The following XRCC6 variants were observed in gnomAD, a reference collection of about 807,000 sequenced individuals.
The protein encoded by XRCC6 is X-ray repair cross complementing 6, also known as DNA repair protein Ku70.
Under a neutral mutation model 65.7 loss-of-function variants are expected in XRCC6, and 5 were observed. The observed-to-expected ratio is 0.08, with a 90% CI of 0.04 to 0.16. The LOEUF is 0.16. Among genes scored for constraint, XRCC6 ranks in the 10% least tolerant of loss-of-function variants. The pLI is 1.00. For missense variants in XRCC6, 447 were observed against 738.1 expected (o/e 0.61, Z 4.57); for synonymous variants, 270 against 270.6 (o/e 1.00, Z 0.02).
At chr22:41,636,048 G>C (rs2067806018) in intron 3 of XRCC6, 65 bp from the exon 4 acceptor site, 6 of 1,445,518 alleles carry the variant, frequency 4.2e-6, no homozygotes, top group Non-Finnish European at 5.6e-6. Context: ...CAACTAATAG[G>C]TACTGAGCAC....
intron 2 of XRCC6, among the ~76,000 whole-genome samples, chr22:41,622,967 A>G (rs954634852): frequency 6.6e-6 from 1 of 152,036 alleles, no homozygotes; most frequent in Non-Finnish European, 1.5e-5. Context: ...AGTGAGAAAC[A>G]TAGGAAATAC....
intron 6 of XRCC6, among the ~76,000 whole-genome samples, chr22:41,640,339 C>T (rs1197673506): frequency 6.6e-6 from 1 of 151,130 alleles, no homozygotes; most frequent in East Asian, 2.0e-4. Context: ...TTAGTAGAGA[C>T]GGGGTTTCAC....
chr22:41,626,066 T>G (rs577268553), intron 2 of XRCC6, among the ~76,000 whole-genome samples: 19 of 152,054 alleles, frequency 1.2e-4, no homozygotes, highest in African/African-American at 4.3e-4. Flanking sequence ...TCTCAATCTC[T>G]TGACCTTGTG....
At chr22:41,632,217 G>A (rs758543542) in intron 3 of XRCC6, among the ~76,000 whole-genome samples, 8 of 152,162 alleles carry the variant, frequency 5.3e-5, no homozygotes, top group Non-Finnish European at 1.2e-4. Flanking sequence ...TGTGTACTTC[G>A]TAGAGAAGAA....
chr22:41,644,345 A>G (rs901206252), intron 6 of XRCC6, among the ~76,000 whole-genome samples: 5 of 152,188 alleles, frequency 3.3e-5, no homozygotes, highest in African/African-American at 9.7e-5. Context: ...TTGTGGCCCA[A>G]CATATGATCT....
chr22:41,659,629 C>T (rs1162313711), intron 11 of XRCC6, among the ~76,000 whole-genome samples: 2 of 150,204 alleles, frequency 1.3e-5, no homozygotes, highest in Non-Finnish European at 3.0e-5. Context: ...CATAAGCCAC[C>T]ATGCTCACTA....
intron 2 of XRCC6, among the ~76,000 whole-genome samples, chr22:41,625,958 C>T (rs1239744749): frequency 6.6e-6 from 1 of 152,086 alleles, no homozygotes; most frequent in Non-Finnish European, 1.5e-5. Flanking sequence ...CCTGCCTCAG[C>T]CTCCCTAGTA....
rs138171458 is a variant in XRCC6 at position 41,657,490 on chromosome 22, TTTATTATTATTATTATTATTATTA to T, written c.1421+482_1421+505del. Among the ~76,000 whole-genome samples the T allele has an allele frequency of 8.7e-5, 12 of 138,244 alleles. 1 individual carries two copies. Among genetic ancestry groups the T allele is most frequent in the South Asian group, 4.8e-4 (2 of 4,204 alleles). The allele number at this position is 138,244 out of a possible 152,430, so 90.7% of individuals were successfully genotyped here. ...TTTTTTCACATGTCATTTTTAAAAA[TTTATTATTATTATTATTATTATTA>T]TTATTATTATTATTATTATTATTTT... is the stretch of plus-strand genomic sequence containing the variant. On this transcript the variant is annotated intron_variant, in intron 10 of 12. Transcript: ENST00000360079.
At chr22:41,644,212 A>C (rs916951963) in intron 6 of XRCC6, among the ~76,000 whole-genome samples, 1 of 151,798 alleles carries the variant, frequency 6.6e-6, no homozygotes, top group African/African-American at 2.4e-5. Flanking sequence ...TGTATTGTTT[A>C]ATTTTCAAAA....
In XRCC6 at chr22:41,647,034, T is replaced by C. The variant is rs2067939115; in HGVS notation, c.912T>C (p.Asn304=). The part of the protein sequence containing the change: ...EPVKTKTRTF[N]TSTGGLLLPS... ...TGAAAACCAAGACCCGGACCTTTAA[T>C]ACAAGTACAGGCGGTTTGCTTCTGC... Residue 304 remains asparagine, a synonymous_variant, in exon 7 of 13, where the codon AAT becomes AAC. Coordinates refer to ENST00000360079, the MANE Select transcript of XRCC6 (RefSeq NM_001469.5). 1 of 1,614,206 alleles carries C rather than the reference T, an allele frequency of 6.2e-7. No homozygotes were observed. The highest frequency in any genetic ancestry group is 8.5e-7 in the Non-Finnish European group (1 of 1,180,042).
rs140307045 is a variant in XRCC6, at chr22:41,663,779, G to A, written c.1794G>A (p.Glu598=). 6.4e-5 allele frequency: 103 copies of A among 1,613,496 alleles called. No homozygotes were observed. The highest frequency in any genetic ancestry group is 8.3e-5 in the Admixed American group (5 of 59,992). ...TGAAGAGTGGGCTGAAGAAGCAGGA[G>A]CTGCTGGAAGCCCTCACCAAGCACT... ...YGLKSGLKKQ[E]LLEALTKHFQ... The change falls in exon 13 of 13, where the codon GAG becomes GAA. Residue 598 remains glutamate, a synonymous_variant. Coordinates refer to ENST00000360079, the MANE Select transcript of XRCC6 (RefSeq NM_001469.5).
intron 8 of XRCC6, among the ~76,000 whole-genome samples, chr22:41,651,762 G>A (rs1053179690): frequency 2.0e-4 from 30 of 150,218 alleles, no homozygotes; most frequent in African/African-American, 5.4e-4. Context: ...TCCTGACCTC[G>A]TGAGCCACTG....
At chr22:41,647,581 C>CA (rs34674929) in intron 7 of XRCC6, among the ~76,000 whole-genome samples, 103,779 of 134,082 alleles carry the variant, frequency 0.77, 40,312 homozygotes, top group East Asian at 0.92. Flanking sequence ...AACTCCGTCT[C>CA]AAAAAAAAAA....
At chr22:41,643,111 T>G (rs1462241760) in intron 6 of XRCC6, among the ~76,000 whole-genome samples, 1 of 152,222 alleles carries the variant, frequency 6.6e-6, no homozygotes, top group Non-Finnish European at 1.5e-5. Context: ...TGTTCTTTTC[T>G]GATAAAAGTG....
intron 6 of XRCC6, among the ~76,000 whole-genome samples, chr22:41,640,553 T>A (rs2067865071): frequency 6.6e-6 from 1 of 152,180 alleles, no homozygotes; most frequent in African/African-American, 2.4e-5. Flanking sequence ...TCTGGAGTGG[T>A]TTCCTCAGTA....
chr22:41,635,904 G>A (rs2067804476), intron 3 of XRCC6, among the ~76,000 whole-genome samples: 1 of 152,038 alleles, frequency 6.6e-6, no homozygotes, highest in Non-Finnish European at 1.5e-5. Flanking sequence ...TACTTCTAAT[G>A]TATACTTACT....
rs2067814054 is a variant in XRCC6 at position 41,636,722 on chromosome 22, G to A, written c.541G>A (p.Ala181Thr). ...NEDNPHGNDS[A>T]KASRARTKAG... ...AGACAACCCCCATGGCAATGACAGTGCCAAAGCCAGCCGGGCCAGGACCAA... is the reference window on the plus strand; with the variant it reads ...AGACAACCCCCATGGCAATGACAGTACCAAAGCCAGCCGGGCCAGGACCAA... Residue 181 changes from alanine (A) to threonine (T), a missense_variant, in exon 5 of 13, where the codon GCC (alanine) becomes ACC (threonine). Transcript: ENST00000360079. 1.9e-6 allele frequency: 3 copies of A among 1,614,196 alleles called. No individual in the cohort carries two copies. Among genetic ancestry groups the A allele is most frequent in the East Asian group, 2.2e-5 (1 of 44,894 alleles).
intron 6 of XRCC6, among the ~76,000 whole-genome samples, chr22:41,642,767 A>C (rs2067891985): frequency 6.6e-6 from 1 of 152,178 alleles, no homozygotes; most frequent in South Asian, 2.1e-4. Context: ...CAGTTTTGTA[A>C]TTGGTTGCAT....
At chr22:41,646,823 G>T in intron 6 of XRCC6, 73 bp from the exon 7 acceptor site, 1 of 1,236,400 alleles carries the variant, frequency 8.1e-7, no homozygotes, top group Non-Finnish European at 1.1e-6. Flanking sequence ...GTGAAGCTTT[G>T]GTGTTATGAG....
Sources: allele counts gnomAD v4.1 joint callset (sites outside exome capture counted in the v4.1 genomes callset), GRCh38; gene constraint gnomAD v4.1.1; transcripts MANE v1.5; gene names NCBI Gene and HGNC (gene_info 2026-07-23, HGNC 2026-07-21).